Variants in GPATCH2 observed in about 807,000 individuals in gnomAD.
GPATCH2 encodes G-patch domain containing 2, also known as G patch domain-containing protein 2.
GPATCH2 carries 51 observed loss-of-function variants against 58.0 expected under a neutral mutation model. The observed-to-expected ratio is 0.88, with a 90% CI of 0.70 to 1.11. The LOEUF is 1.11. GPATCH2 is among the 50% of genes most tolerant of loss of function. The pLI is 0.00. For missense variants in GPATCH2, 625 were observed against 652.2 expected, an observed-to-expected ratio of 0.96 and a Z score of 0.45; for synonymous variants, 222 against 218.5, an observed-to-expected ratio of 1.02 and a Z score of -0.14.
chr1:217,490,039 T>G (rs1283432643), intron 8 of GPATCH2, among the ~76,000 whole-genome samples: 1 of 152,230 alleles, frequency 6.6e-6, no homozygotes, highest in East Asian at 1.9e-4. Context: ...CTTGGGACTT[T>G]TATGAAATAC....
At chr1:217,552,716 G>C (rs75485859) in intron 5 of GPATCH2, among the ~76,000 whole-genome samples, 4,634 of 152,182 alleles carry the variant, frequency 0.03, 162 homozygotes, top group East Asian at 0.11. Flanking sequence ...GTGAAGCTAG[G>C]TCTACAGAGA....
intron 5 of GPATCH2, among the ~76,000 whole-genome samples, chr1:217,521,554 A>G (rs902800691): frequency 5.9e-5 from 9 of 152,136 alleles, no homozygotes; most frequent in Non-Finnish European, 1.3e-4. Flanking sequence ...GGCAGCACTA[A>G]ACAGGGTTAC....
At chr1:217,451,944 A>C (rs555533387) in intron 8 of GPATCH2, among the ~76,000 whole-genome samples, 123 of 152,332 alleles carry the variant, frequency 8.1e-4, no homozygotes, top group Non-Finnish European at 1.4e-3. Context: ...AGTGATAAAG[A>C]GTTTGCTCTG....
intron 8 of GPATCH2, among the ~76,000 whole-genome samples, chr1:217,475,881 T>G (rs1660944270): frequency 6.6e-6 from 1 of 151,852 alleles, no homozygotes; most frequent in South Asian, 2.1e-4. Context: ...GCACATAAAA[T>G]CCCACACAGG....
intron 6 of GPATCH2, among the ~76,000 whole-genome samples, chr1:217,504,695 T>A (rs12082441): frequency 0.018 from 2,693 of 152,324 alleles, 71 homozygotes; most frequent in African/African-American, 0.062. Context: ...TTGAATTCAG[T>A]CTGTCTGATT....
intron 5 of GPATCH2, among the ~76,000 whole-genome samples, chr1:217,531,285 T>C (rs1664176471): frequency 6.6e-6 from 1 of 152,258 alleles, no homozygotes; most frequent in South Asian, 2.1e-4. Context: ...CTATGTCTTA[T>C]TTACTATTGT....
Position 217,431,079 on chromosome 1 carries a change from T to C in GPATCH2, c.*66A>G, listed in dbSNP as rs1558386628. ...ATTTTTGCTTCAAAAACAGAAGTCA[T>C]GTTATCATTTTAGAACAATGGGACA... On this transcript the variant is annotated 3_prime_UTR_variant, in exon 10 of 10. Transcript: ENST00000366935. 1.2e-6 allele frequency: 1 copy of C among 854,736 alleles called. No homozygotes were observed. The highest frequency in any genetic ancestry group is 2.0e-6 in the Non-Finnish European group (1 of 492,712). The allele number at this position is 854,736 out of a possible 1,614,324, so 52.9% of individuals were successfully genotyped here. A position where few individuals can be genotyped will look rare whatever the true frequency, so the allele number is the denominator to read the frequency against.
chr1:217,434,162 CTT>C (rs1470611261), intron 9 of GPATCH2, among the ~76,000 whole-genome samples: 3 of 152,202 alleles, frequency 2.0e-5, no homozygotes, highest in Non-Finnish European at 4.4e-5. Flanking sequence ...CTACTTGCCT[CTT>C]GAGTGGCAAC....
intron 9 of GPATCH2, among the ~76,000 whole-genome samples, chr1:217,442,838 T>A (rs1659208356): frequency 6.6e-6 from 1 of 152,188 alleles, no homozygotes; most frequent in African/African-American, 2.4e-5. Flanking sequence ...ACATTTATCA[T>A]GATTACTAAT....
Position 217,498,395 on chromosome 1 carries a change from G to T in GPATCH2, c.1167C>A (p.Asp389Glu). 1 of 1,612,164 alleles carries T rather than the reference G, an allele frequency of 6.2e-7. No individual in the cohort carries two copies. The highest frequency in any genetic ancestry group is 8.5e-7 in the Non-Finnish European group (1 of 1,178,276). ...VHFSPDSHHH[D>E]HWFSPGARTE... ...TCCTAGCCCCAGGGCTAAACCAATG[G>T]CTGCAGAGGAAAGAAAAAGGCAGTT... The change falls in exon 7 of 10, where the codon GAC (aspartate) becomes GAA (glutamate). Residue 389 changes from aspartate to glutamate, a missense_variant and splice_region_variant. Transcript: ENST00000366935.
intron 5 of GPATCH2, among the ~76,000 whole-genome samples, chr1:217,529,719 T>A (rs1353451378): frequency 1.3e-5 from 2 of 152,180 alleles, no homozygotes; most frequent in African/African-American, 4.8e-5. Context: ...CCAATGTACT[T>A]CTTTCCCAAT....
intron 1 of GPATCH2, among the ~76,000 whole-genome samples, chr1:217,629,612 G>T (rs777815250): frequency 3.9e-5 from 6 of 152,126 alleles, no homozygotes; most frequent in Non-Finnish European, 8.8e-5. Context: ...CCTTGAGAGG[G>T]AACTGTGGGG....
intron 9 of GPATCH2, among the ~76,000 whole-genome samples, chr1:217,439,565 T>A (rs1405057320): frequency 1.3e-5 from 2 of 152,006 alleles, no homozygotes; most frequent in Non-Finnish European, 2.9e-5. Flanking sequence ...TTCAAAAAAA[T>A]CAGTGAATCC....
rs187672712 is a variant in GPATCH2 at position 217,546,942 on chromosome 1, C to T, written c.1099-32053G>A. On this transcript the variant is annotated intron_variant, in intron 5 of 9. Coordinates refer to ENST00000366935, the MANE Select transcript of GPATCH2 (RefSeq NM_018040.5). ...TTAAGAAGTGGGTAAAGGACATGAA[C>T]AGACACTTTTCAAAAGACATACATG... 3.9e-5 allele frequency among the ~76,000 whole-genome samples: 6 copies of T among 152,060 alleles called. No individual in the cohort carries two copies. The East Asian group carries it at 1.2e-3, about 29-fold the overall frequency.
intron 8 of GPATCH2, among the ~76,000 whole-genome samples, chr1:217,453,031 T>G (rs990398446): frequency 1.3e-5 from 2 of 152,334 alleles, no homozygotes; most frequent in South Asian, 4.1e-4. Flanking sequence ...AAGTAAGGTC[T>G]ACTCTGTTAT....
Position 217,560,733 on chromosome 1 carries a change from C to A in GPATCH2, c.1099-45844G>T, listed in dbSNP as rs113063172. On this transcript the variant is annotated intron_variant, in intron 5 of 9. Coordinates refer to ENST00000366935, the MANE Select transcript of GPATCH2 (RefSeq NM_018040.5). ...TTGCTGTGGGAGACTGGTGTGTACACAGGATGCTTAGCAGCATCCCAGGAC... is the reference window on the plus strand; with the variant it reads ...TTGCTGTGGGAGACTGGTGTGTACAAAGGATGCTTAGCAGCATCCCAGGAC... Among the ~76,000 whole-genome samples, 3 of 152,190 alleles carry A rather than the reference C, an allele frequency of 2.0e-5. 1 individual carries two copies. Among genetic ancestry groups the A allele is most frequent in the Admixed American group, 2.0e-4 (3 of 15,284 alleles).
chr1:217,537,015 G>A (rs1571880505), intron 5 of GPATCH2, among the ~76,000 whole-genome samples: 1 of 152,014 alleles, frequency 6.6e-6, no homozygotes, highest in Admixed American at 6.6e-5. Flanking sequence ...ACAGACATAT[G>A]AGCTTTGATA....
intron 6 of GPATCH2, 48 bp from the exon 7 acceptor site, chr1:217,498,443 C>T (rs1156805401): frequency 7.8e-6 from 11 of 1,407,894 alleles, no homozygotes; most frequent in Admixed American, 6.7e-5. Context: ...ACTAAAAGCA[C>T]GTGCTCTCAC....
chr1:217,433,395 T>G (rs1658649247), intron 9 of GPATCH2, among the ~76,000 whole-genome samples: 1 of 56,788 alleles, frequency 1.8e-5, no homozygotes, highest in Non-Finnish European at 4.1e-5. Flanking sequence ...TTTATTTATT[T>G]ATTTATTTAT....
Sources: allele counts gnomAD v4.1 joint callset (sites outside exome capture counted in the v4.1 genomes callset), GRCh38; gene constraint gnomAD v4.1.1; transcripts MANE v1.5; gene names NCBI Gene and HGNC (gene_info 2026-07-23, HGNC 2026-07-21).